The following OR56A3 variants were observed in gnomAD, a reference collection of about 807,000 sequenced individuals.
OR56A3 encodes the protein olfactory receptor 56A3.
In OR56A3, 23 loss-of-function variants were observed where a neutral mutation model predicts 17.5. The observed-to-expected ratio is 1.32, with a 90% CI of 0.95 to 1.87. The LOEUF (loss-of-function observed/expected upper bound fraction) is 1.87, where lower values mean the gene tolerates loss of function less well. Ranked by LOEUF, OR56A3 falls within the 40% of genes most tolerant of loss-of-function variation. OR56A3 has a pLI of 0.00. For missense variants in OR56A3, 366 were observed against 380.1 expected (o/e 0.96, Z 0.31); for synonymous variants, 175 against 150.6 (o/e 1.16, Z -1.19).
chr11:5,954,098 G>A (rs370242818), downstream of OR56A3, among the ~76,000 whole-genome samples: 165 of 152,268 alleles, frequency 1.1e-3, no homozygotes, highest in African/African-American at 3.7e-3. Flanking sequence ...TAAAGAGATG[G>A]TCAAGTTGAT....
the OR56A3 span, among the ~76,000 whole-genome samples, chr11:5,975,454 A>G: frequency 0.022 from 3,273 of 146,372 alleles, 47 homozygotes; most frequent in South Asian, 0.04. Flanking sequence ...GAGAACATGC[A>G]GTGTTTGGTT....
At chr11:5,960,259 C>G in the OR56A3 span, among the ~76,000 whole-genome samples, 1 of 151,968 alleles carries the variant, frequency 6.6e-6, no homozygotes, top group Non-Finnish European at 1.5e-5. Flanking sequence ...TCTCCCTCTC[C>G]CCTTTGCACG....
chr11:5,988,309 G>T, the OR56A3 span, among the ~76,000 whole-genome samples: 1 of 71,222 alleles, frequency 1.4e-5, no homozygotes, highest in South Asian at 5.2e-4. Context: ...TGTCTTAATG[G>T]TTTGTTTTTT....
At chr11:5,961,115 C>T in the OR56A3 span, among the ~76,000 whole-genome samples, 3,044 of 151,278 alleles carry the variant, frequency 0.02, 92 homozygotes, top group African/African-American at 0.067. Flanking sequence ...CCCGGCCAGC[C>T]GCCCCGTCCG....
the OR56A3 span, chr11:6,021,811 G>T: frequency 6.6e-6 from 1 of 151,922 alleles, no homozygotes; most frequent in Admixed American, 6.6e-5. Context: ...ACAATGTCTA[G>T]TCAAGAAACT....
chr11:5,977,698 G>A, the OR56A3 span, among the ~76,000 whole-genome samples: 3 of 152,234 alleles, frequency 2.0e-5, no homozygotes, highest in South Asian at 6.2e-4. Flanking sequence ...ATTTTGCTGT[G>A]CAAAGTTCTT....
chr11:5,948,657 T>C lies in OR56A3; in HGVS notation c.*363T>C, dbSNP rs570081864. The C allele has an allele frequency of 3.9e-5, 8 of 207,120 alleles. No individual in the cohort carries two copies. In the Admixed American group the frequency reaches 4.1e-4, roughly 11 times the overall value. The allele number at this position is 207,120 out of a possible 1,614,324, so 12.8% of individuals were successfully genotyped here. ...TGCGGTTATTTTGTTGTGTCTGTTATGTGTAATGTCCTTTTATTCTTATTT... is the reference window on the plus strand; with the variant it reads ...TGCGGTTATTTTGTTGTGTCTGTTACGTGTAATGTCCTTTTATTCTTATTT... On this transcript the variant is annotated 3_prime_UTR_variant, in exon 3 of 3. Transcript: ENST00000641160.
At chr11:5,987,022 G>T in the OR56A3 span, 2 of 1,230,380 alleles carry the variant, frequency 1.6e-6, no homozygotes, top group Non-Finnish European at 2.3e-6. Flanking sequence ...CAAACGAAGG[G>T]AATAAAGTTA....
the OR56A3 span, among the ~76,000 whole-genome samples, chr11:5,988,809 T>A: frequency 6.6e-6 from 1 of 152,200 alleles, no homozygotes; most frequent in African/African-American, 2.4e-5. Flanking sequence ...CCCTTGAAAT[T>A]TACTAAAAGA....
chr11:5,989,928 C>A, the OR56A3 span, among the ~76,000 whole-genome samples: 1 of 152,186 alleles, frequency 6.6e-6, no homozygotes, highest in Non-Finnish European at 1.5e-5. Flanking sequence ...GGACAATTAC[C>A]AAAGAGTAGA....
chr11:5,991,284 A>G, the OR56A3 span, among the ~76,000 whole-genome samples: 2 of 152,162 alleles, frequency 1.3e-5, no homozygotes, highest in African/African-American at 2.4e-5. Flanking sequence ...CAGGCTGACC[A>G]TGAAGGGTTA....
chr11:5,986,225 A>C, the OR56A3 span: 1 of 1,613,812 alleles, frequency 6.2e-7, no homozygotes, highest in Non-Finnish European at 8.5e-7. Flanking sequence ...ATGTGGGCAT[A>C]GGAAACACCA....
chr11:5,993,857 A>T, the OR56A3 span: 49 of 469,068 alleles, frequency 1.0e-4, no homozygotes, highest in Non-Finnish European at 1.7e-4. Context: ...CCTAAAGGGT[A>T]CTCTGCCTCT....
At chr11:5,999,383 C>A in the OR56A3 span, 1 of 152,064 alleles carries the variant, frequency 6.6e-6, no homozygotes, top group Non-Finnish European at 1.5e-5. Flanking sequence ...ACTTACTGTA[C>A]AAAAACTTTT....
At chr11:5,979,003 G>A in the OR56A3 span, among the ~76,000 whole-genome samples, 1 of 152,086 alleles carries the variant, frequency 6.6e-6, no homozygotes, top group Non-Finnish European at 1.5e-5. Context: ...CTGTTTGTGA[G>A]ATGAACCCCA....
the OR56A3 span, among the ~76,000 whole-genome samples, chr11:5,980,167 G>T: frequency 6.6e-6 from 1 of 152,212 alleles, no homozygotes; most frequent in East Asian, 1.9e-4. Flanking sequence ...CTCTGTGGTT[G>T]TTGGGTGGAG....
the OR56A3 span, among the ~76,000 whole-genome samples, chr11:5,978,927 G>T: frequency 1.3e-5 from 2 of 152,038 alleles, no homozygotes; most frequent in Non-Finnish European, 2.9e-5. Context: ...TAACACGAAG[G>T]GATGTTGAAT....
At chr11:5,965,374 A>G in the OR56A3 span, among the ~76,000 whole-genome samples, 1 of 152,226 alleles carries the variant, frequency 6.6e-6, no homozygotes, top group Non-Finnish European at 1.5e-5. Context: ...GTGAGTCAAA[A>G]GTAACACATC....
In OR56A3 at chr11:5,944,845, A is replaced by G. The variant is rs1847858748; in HGVS notation, c.-274A>G. Reference sequence around the variant, plus strand: ...GAGAATATCTAAATCTCTTCTATATATGAGGTGAAGGGCCATGCCTGGCAG... The same window carrying G: ...GAGAATATCTAAATCTCTTCTATATGTGAGGTGAAGGGCCATGCCTGGCAG... On this transcript the variant is annotated 5_prime_UTR_variant, in exon 2 of 3. In the 5' UTR this introduces an upstream ATG that the reference lacks. Coordinates refer to ENST00000641160, the MANE Select transcript of OR56A3 (RefSeq NM_001003443.3). The G allele has an allele frequency of 6.6e-6, 1 of 152,202 alleles. No individual in the cohort carries two copies. The highest frequency in any genetic ancestry group is 1.5e-5 in the Non-Finnish European group (1 of 68,036). 9.4% of individuals were successfully genotyped at this position (152,202 alleles called of 1,614,324 possible). A position where few individuals can be genotyped will look rare whatever the true frequency, so the allele number is the denominator to read the frequency against.
Sources: gnomAD v4.1 joint callset for allele counts (sites outside exome capture counted in the v4.1 genomes callset) on GRCh38, gnomAD v4.1.1 for gene constraint, MANE v1.5 for transcripts, NCBI Gene and HGNC (gene_info 2026-07-23, HGNC 2026-07-21) for gene names.